WDR5: variants seen among roughly 807,000 people sequenced by gnomAD.
WDR5 encodes WD repeat domain 5.
For missense variants in WDR5, 187 were observed against 416.9 expected (o/e 0.45, Z 4.80); for synonymous variants, 144 against 161.6 (o/e 0.89, Z 0.83).
chr9:134,156,219 G>T (rs894613337), intron 12 of WDR5, among the ~76,000 whole-genome samples: 1 of 152,368 alleles, frequency 6.6e-6, no homozygotes, highest in Admixed American at 6.5e-5. Context: ...AGAAAAGGGT[G>T]ACCTGAGAAG....
chr9:134,152,107 AG>A (rs964706233), intron 9 of WDR5, 78 bp downstream of exon 9: 19 of 1,522,036 alleles, frequency 1.2e-5, no homozygotes, highest in Non-Finnish European at 1.7e-5. Flanking sequence ...GTTCTTCACC[AG>A]CTCCTCCTCC....
intron 8 of WDR5, among the ~76,000 whole-genome samples, chr9:134,150,519 G>T (rs1832436221): frequency 1.3e-5 from 2 of 151,856 alleles, no homozygotes; most frequent in South Asian, 4.2e-4. Flanking sequence ...GGTGTGCTTG[G>T]TTCCCATGTT....
chr9:134,150,682 C>T (rs1321801177), intron 8 of WDR5, among the ~76,000 whole-genome samples: 1 of 152,204 alleles, frequency 6.6e-6, no homozygotes, highest in East Asian at 1.9e-4. Context: ...CCATTTAACC[C>T]TGTGACGTGG....
intron 9 of WDR5, among the ~76,000 whole-genome samples, chr9:134,153,153 C>T (rs1425963104): frequency 6.6e-6 from 1 of 152,162 alleles, no homozygotes; most frequent in Non-Finnish European, 1.5e-5. Context: ...CTGGACGGGC[C>T]ACCTGTGCTC....
chr9:134,141,647 T>G, intron 4 of WDR5, 64 bp downstream of exon 4: 4 of 1,534,772 alleles, frequency 2.6e-6, no homozygotes, highest in Non-Finnish European at 3.6e-6. Flanking sequence ...GATCAAGGGG[T>G]CAGGGCTGCT....
intron 10 of WDR5, among the ~76,000 whole-genome samples, chr9:134,154,966 C>T (rs527996952): frequency 2.6e-5 from 4 of 152,194 alleles, no homozygotes; most frequent in Admixed American, 6.5e-5. Context: ...CCTGTGGGTC[C>T]GAGCCTGGGC....
Position 134,141,385 on chromosome 9 carries a change from G to T in WDR5, c.191-125G>T, listed in dbSNP as rs542776424. The T allele has an allele frequency of 8.0e-5, 71 of 883,890 alleles. 1 individual carries two copies. In the South Asian group the frequency reaches 9.9e-4, roughly 12 times the overall value. The allele number at this position is 883,890 out of a possible 1,614,324, so 54.8% of individuals were successfully genotyped here. On this transcript the variant is annotated intron_variant, in intron 3 of 13. Transcript: ENST00000358625. Reference sequence around the variant, plus strand: ...TCAGGCATGTGGCCGTGCTGAATGGGTTCTGAGCCATGTGGTTCATGCTGA... The same window carrying T: ...TCAGGCATGTGGCCGTGCTGAATGGTTTCTGAGCCATGTGGTTCATGCTGA...
intron 6 of WDR5, 31 bp downstream of exon 6, chr9:134,142,453 G>C (rs559116659): frequency 1.1e-5 from 17 of 1,611,254 alleles, no homozygotes; most frequent in Non-Finnish European, 1.4e-5. Context: ...TTCCCTGGGG[G>C]AGGTGGTGTC....
At chr9:134,141,723 C>T (rs1474843926) in intron 4 of WDR5, 140 bp downstream of exon 4, 10 of 998,568 alleles carry the variant, frequency 1.0e-5, no homozygotes, top group Non-Finnish European at 1.5e-5. Context: ...TTATTTGCAT[C>T]TTGAACTTTT....
In WDR5 at chr9:134,152,153, C is replaced by A. The variant is rs147304325; in HGVS notation, c.631+124C>A. 13 of 1,143,400 alleles carry A rather than the reference C, an allele frequency of 1.1e-5. No homozygotes were observed. The Middle Eastern group carries it at 9.1e-4, about 80-fold the overall frequency. The allele number at this position is 1,143,400 out of a possible 1,614,324, so 70.8% of individuals were successfully genotyped here. Reference sequence around the variant, plus strand: ...CCTGGGTCCGCCCCTGCAGGAGGAACCTTCCTCCGTGTCCGACCGTTCCGC... The same window carrying A: ...CCTGGGTCCGCCCCTGCAGGAGGAAACTTCCTCCGTGTCCGACCGTTCCGC... On this transcript the variant is annotated intron_variant, in intron 9 of 13. Transcript: ENST00000358625.
At chr9:134,141,481 TA>T in intron 3 of WDR5, 28 bp from the exon 4 acceptor site, 1 of 1,611,596 alleles carries the variant, frequency 6.2e-7, no homozygotes, top group Non-Finnish European at 8.5e-7. Context: ...GTCCTGCTCT[TA>T]GCCTCAGATC....
chr9:134,138,350 C>CA (rs1398354504), intron 1 of WDR5, among the ~76,000 whole-genome samples: 2 of 144,100 alleles, frequency 1.4e-5, no homozygotes, highest in Non-Finnish European at 3.1e-5. Flanking sequence ...GCCTGGCTGT[C>CA]TAACGCTAGG....
At chr9:134,141,010 G>A (rs996506429) in intron 3 of WDR5, among the ~76,000 whole-genome samples, 199 bp downstream of exon 3, 6 of 152,184 alleles carry the variant, frequency 3.9e-5, no homozygotes, top group African/African-American at 1.4e-4. Context: ...GGGGCCAGGC[G>A]TGGTGGCTCA....
chr9:134,137,010 C>T (rs1038404129), intron 1 of WDR5, among the ~76,000 whole-genome samples: 2 of 152,216 alleles, frequency 1.3e-5, no homozygotes, highest in African/African-American at 4.8e-5. Flanking sequence ...AGCCAGGTCC[C>T]CACCTCTGTT....
rs751486937 is a variant in WDR5, at chr9:134,151,956, C to T, written c.585-27C>T. The T allele has an allele frequency of 1.2e-4, 187 of 1,611,934 alleles. 1 individual carries two copies. In the East Asian group the frequency reaches 3.3e-3, roughly 28 times the overall value. ...CGTGAGATCATAACTTGTCTGCTTA[C>T]GCTTTTTTGTTCTCTTTGCTTCGAA... On this transcript the variant is annotated intron_variant, in intron 8 of 13. Transcript: ENST00000358625.
intron 12 of WDR5, 34 bp from the exon 13 acceptor site, chr9:134,156,472 C>T: frequency 6.2e-7 from 1 of 1,604,856 alleles, no homozygotes; most frequent in South Asian, 1.1e-5. Context: ...ACCTGCTTTT[C>T]CTTGCCCTGT....
At chr9:134,143,368 C>G (rs1831999425) in intron 7 of WDR5, among the ~76,000 whole-genome samples, 2 of 152,274 alleles carry the variant, frequency 1.3e-5, no homozygotes, top group South Asian at 4.1e-4. Flanking sequence ...TGGTGAAACC[C>G]CGTCTCTACT....
At chr9:134,136,533 C>T (rs999974979) in intron 1 of WDR5, among the ~76,000 whole-genome samples, 13 of 152,200 alleles carry the variant, frequency 8.5e-5, no homozygotes, top group Non-Finnish European at 1.8e-4. Context: ...CCCTCTCCCT[C>T]CACTGCCCCT....
chr9:134,154,648 A>G, intron 10 of WDR5, 107 bp downstream of exon 10: 1 of 1,296,468 alleles, frequency 7.7e-7, no homozygotes, highest in Non-Finnish European at 1.1e-6. Context: ...TTGGCACGGG[A>G]TCCAGGCTCC....
Sources: allele counts gnomAD v4.1 joint callset (sites outside exome capture counted in the v4.1 genomes callset), GRCh38; gene constraint gnomAD v4.1.1; transcripts MANE v1.5; gene names NCBI Gene and HGNC (gene_info 2026-07-23, HGNC 2026-07-21).